Variants in MTCL2 observed in about 807,000 individuals in gnomAD.
The protein encoded by MTCL2 is microtubule cross-linking factor 2.
the MTCL2 span, chr20:36,784,342 T>C: frequency 4.1e-6 from 4 of 986,000 alleles, no homozygotes; most frequent in Admixed American, 1.2e-4. Context: ...GGGACTGGCA[T>C]GACCCTGGTG....
the MTCL2 span, among the ~76,000 whole-genome samples, chr20:36,829,478 C>T: frequency 2.5e-4 from 38 of 151,738 alleles, no homozygotes; most frequent in Admixed American, 2.5e-3. Context: ...CTGGGAAGAC[C>T]CTGTTCTCAG....
At chr20:36,784,803 G>A in the MTCL2 span, 1 of 985,644 alleles carries the variant, frequency 1.0e-6, no homozygotes, top group Non-Finnish European at 1.2e-6. Flanking sequence ...GAGAGAGGCT[G>A]GTGAAAAGGC....
At chr20:36,810,717 C>CCTCTCTCTCTCTCTCTCT in the MTCL2 span, among the ~76,000 whole-genome samples, 390 of 94,252 alleles carry the variant, frequency 4.1e-3, 18 homozygotes, top group Non-Finnish European at 5.7e-3. Flanking sequence ...TCTCTCTCTC[C>CCTCTCTCTCTCTCTCTCT]CTCTCTCTCT....
chr20:36,851,776 CAGG>C, the MTCL2 span, among the ~76,000 whole-genome samples: 8 of 152,190 alleles, frequency 5.3e-5, no homozygotes, highest in Admixed American at 6.5e-5. Context: ...GATGTGATGT[CAGG>C]AGGACAGAGC....
chr20:36,786,495 G>C, the MTCL2 span: 4 of 1,544,560 alleles, frequency 2.6e-6, no homozygotes, highest in African/African-American at 1.4e-5. Context: ...TCACTCGCTG[G>C]GGGGGAGTGC....
At chr20:36,815,793 T>G in the MTCL2 span, 5 of 1,591,484 alleles carry the variant, frequency 3.1e-6, no homozygotes, top group Non-Finnish European at 4.3e-6. The surrounding 1 kb of genome is among the most constrained non-coding windows in gnomAD (Gnocchi z 5.3). Flanking sequence ...CAGCTCGTGC[T>G]CCGAGCGGAA....
chr20:36,836,712 A>C, the MTCL2 span, among the ~76,000 whole-genome samples: 1 of 151,856 alleles, frequency 6.6e-6, no homozygotes, highest in African/African-American at 2.4e-5. Flanking sequence ...ATTTCCAACT[A>C]TTGGCCTCTA....
At chr20:36,825,791 C>G in the MTCL2 span, among the ~76,000 whole-genome samples, 46 of 152,184 alleles carry the variant, frequency 3.0e-4, no homozygotes, top group East Asian at 7.7e-4. Context: ...AGAGGATAAA[C>G]AGCAAATAAT....
chr20:36,843,810 T>A, the MTCL2 span, among the ~76,000 whole-genome samples: 2 of 152,236 alleles, frequency 1.3e-5, no homozygotes, highest in Admixed American at 6.5e-5. Flanking sequence ...CCTATGATGC[T>A]GGGCTACATT....
At chr20:36,804,204 G>C in the MTCL2 span, among the ~76,000 whole-genome samples, 1 of 152,162 alleles carries the variant, frequency 6.6e-6, no homozygotes. Context: ...AGAAGCTGGA[G>C]CCCAAGCTGC....
the MTCL2 span, chr20:36,812,791 G>C: frequency 2.5e-6 from 4 of 1,613,702 alleles, no homozygotes; most frequent in East Asian, 8.9e-5. Flanking sequence ...CACCAGTGCG[G>C]AAAGCCTCTC....
chr20:36,856,618 T>TC, the MTCL2 span, among the ~76,000 whole-genome samples: 1 of 152,116 alleles, frequency 6.6e-6, no homozygotes, highest in Non-Finnish European at 1.5e-5. Flanking sequence ...TCTTCTGACT[T>TC]CAAGACCTAC....
the MTCL2 span, among the ~76,000 whole-genome samples, chr20:36,813,768 A>T: frequency 6.6e-6 from 1 of 150,534 alleles, no homozygotes; most frequent in Non-Finnish European, 1.5e-5. Context: ...AAAAAAAAAA[A>T]AAAAAAAAGA....
the MTCL2 span, among the ~76,000 whole-genome samples, chr20:36,861,365 C>A: frequency 2.5e-4 from 38 of 152,304 alleles, no homozygotes; most frequent in African/African-American, 9.1e-4. Flanking sequence ...AGACTGAGGC[C>A]TGGCTTGGGG....
chr20:36,847,675 G>A, the MTCL2 span, among the ~76,000 whole-genome samples: 4 of 152,106 alleles, frequency 2.6e-5, no homozygotes, highest in East Asian at 1.9e-4. Flanking sequence ...ACAACATAGC[G>A]AGACCCCATC....
At chr20:36,809,854 G>C in the MTCL2 span, 1 of 1,199,624 alleles carries the variant, frequency 8.3e-7, no homozygotes, top group Admixed American at 2.3e-5. Flanking sequence ...GATTACAGGC[G>C]TGAGCCACCA....
chr20:36,788,014 A>G, the MTCL2 span, among the ~76,000 whole-genome samples: 3 of 150,920 alleles, frequency 2.0e-5, no homozygotes, highest in Non-Finnish European at 4.4e-5. Flanking sequence ...CAGGCTGGCC[A>G]ACATGGTGAA....
the MTCL2 span, among the ~76,000 whole-genome samples, chr20:36,821,651 G>A: frequency 2.6e-5 from 4 of 152,194 alleles, no homozygotes; most frequent in South Asian, 4.1e-4. Flanking sequence ...CCGCAAGGTG[G>A]AGGTTACATT....
the MTCL2 span, chr20:36,810,032 G>A: frequency 1.9e-6 from 3 of 1,600,150 alleles, no homozygotes; most frequent in Non-Finnish European, 1.7e-6. Flanking sequence ...CGTAGCTGCC[G>A]CTCCTGGGAG....
Sources: gnomAD v4.1 joint callset for allele counts (sites outside exome capture counted in the v4.1 genomes callset) on GRCh38, gnomAD v4.1.1 for gene constraint, Gnocchi (gnomAD v3.1) non-coding constraint, MANE v1.5 for transcripts, NCBI Gene and HGNC (gene_info 2026-07-23, HGNC 2026-07-21) for gene names.